Variants in PNKD observed in about 807,000 individuals in gnomAD.
PNKD encodes probable thioesterase PNKD.
In PNKD, 36 loss-of-function variants were observed where a neutral mutation model predicts 45.3. The observed-to-expected ratio is 0.80, with a 90% confidence interval of 0.61 to 1.05. The LOEUF (loss-of-function observed/expected upper bound fraction) is 1.05. PNKD is among the 50% of genes least tolerant of loss of function. The pLI is 0.00. For missense variants in PNKD, 511 were observed against 506.6 expected (o/e 1.01, Z -0.08); for synonymous variants, 197 against 210.1 (o/e 0.94, Z 0.54).
chr2:218,283,496 C>G (rs1692232024), intron 2 of PNKD, among the ~76,000 whole-genome samples: 1 of 152,132 alleles, frequency 6.6e-6, no homozygotes, highest in Non-Finnish European at 1.5e-5. Context: ...CCAGTAAGGA[C>G]AAGCCCTGGC....
intron 2 of PNKD, among the ~76,000 whole-genome samples, chr2:218,296,671 TTTTCTTTC>T (rs888979453): frequency 6.7e-6 from 1 of 148,540 alleles, no homozygotes; most frequent in Admixed American, 6.6e-5. Flanking sequence ...CTGTTTTTCT[TTTTCTTTC>T]TTTCTTTCTT....
At chr2:218,311,163 C>T (rs1051522611) in intron 2 of PNKD, among the ~76,000 whole-genome samples, 3 of 152,208 alleles carry the variant, frequency 2.0e-5, no homozygotes, top group South Asian at 2.1e-4. Flanking sequence ...AGAAGGCCTT[C>T]AGCCTATTTG....
chr2:218,313,903 C>CTTTTTTTTTTTTTTTTTTTTTTTTTTTT (rs10550174), intron 2 of PNKD, among the ~76,000 whole-genome samples: 1 of 77,722 alleles, frequency 1.3e-5, no homozygotes, highest in African/African-American at 3.9e-5. Context: ...TTCTTTATTT[C>CTTTTTTTTTTTTTTTTTTTTTTTTTTTT]TTTTTTTTTT....
chr2:218,272,592 A>T (rs765907431), intron 2 of PNKD: 4 of 1,613,992 alleles, frequency 2.5e-6, no homozygotes, highest in South Asian at 2.2e-5. Context: ...CCCTTGTGGT[A>T]TCCTCCTCTT....
chr2:218,334,421 G>A (rs1459351086), intron 2 of PNKD, among the ~76,000 whole-genome samples: 1 of 151,970 alleles, frequency 6.6e-6, no homozygotes, highest in Non-Finnish European at 1.5e-5. Context: ...CTTTCATCTT[G>A]TCAATACATT....
chr2:218,323,201 G>A, intron 2 of PNKD: 2 of 1,390,700 alleles, frequency 1.4e-6, no homozygotes, highest in South Asian at 1.5e-5. Context: ...TCCCCGCGGG[G>A]GGCCGGGGCC....
chr2:218,294,491 C>T (rs935075473), intron 2 of PNKD, among the ~76,000 whole-genome samples: 4 of 152,178 alleles, frequency 2.6e-5, no homozygotes, highest in African/African-American at 4.8e-5. Context: ...ACCGCCCCCC[C>T]ACCAGCCTTC....
At chr2:218,282,921 C>T (rs1226395961) in intron 2 of PNKD, among the ~76,000 whole-genome samples, 2 of 152,154 alleles carry the variant, frequency 1.3e-5, no homozygotes, top group South Asian at 2.1e-4. Context: ...GAAAGGCATG[C>T]GGCAGCCTGC....
At chr2:218,280,197 C>G in intron 2 of PNKD, 1 of 1,135,696 alleles carries the variant, frequency 8.8e-7, no homozygotes, top group Non-Finnish European at 1.3e-6. Context: ...GCCTCCCTGA[C>G]AATCTCAAAG....
chr2:218,278,105 A>G, intron 2 of PNKD: 1 of 1,052,726 alleles, frequency 9.5e-7, no homozygotes, highest in East Asian at 2.6e-5. Flanking sequence ...GGAGGTTGGC[A>G]TGGCCTTTGG....
rs149122157 is a variant in PNKD at position 218,276,692 on chromosome 2, C to T, written c.236+5143C>T. ...GCCCATCATCTCAGTCCTCTGGGTTCCTCTCCCAGTCTGCCTCCGAGAACC... is the reference window on the plus strand; with the variant it reads ...GCCCATCATCTCAGTCCTCTGGGTTTCTCTCCCAGTCTGCCTCCGAGAACC... On this transcript the variant is annotated intron_variant, in intron 2 of 9. Coordinates refer to ENST00000273077, the MANE Select transcript of PNKD (RefSeq NM_015488.5). Among the ~76,000 whole-genome samples, 578 of 152,364 alleles carry T rather than the reference C, an allele frequency of 3.8e-3. 5 individuals carry two copies. The highest frequency in any genetic ancestry group is 0.012 in the African/African-American group (498 of 41,588).
chr2:218,305,665 CAG>C (rs1167558235), intron 2 of PNKD, among the ~76,000 whole-genome samples: 1 of 152,048 alleles, frequency 6.6e-6, no homozygotes, highest in Non-Finnish European at 1.5e-5. Context: ...GCCCAGAGGT[CAG>C]AGTCTTGTAA....
intron 7 of PNKD, 98 bp from the exon 8 acceptor site, chr2:218,343,402 C>A: frequency 1.0e-6 from 1 of 955,904 alleles, no homozygotes; most frequent in Non-Finnish European, 1.7e-6. Context: ...TGACGGCCAG[C>A]CAGAGCATTA....
At chr2:218,336,647 A>AT (rs1336109800) in intron 2 of PNKD, among the ~76,000 whole-genome samples, 4 of 151,462 alleles carry the variant, frequency 2.6e-5, no homozygotes, top group Non-Finnish European at 4.4e-5. Flanking sequence ...TGCCTGCCTA[A>AT]TTTTTGCATT....
chr2:218,297,657 C>T (rs1188929804), intron 2 of PNKD, among the ~76,000 whole-genome samples: 23 of 140,878 alleles, frequency 1.6e-4, no homozygotes, highest in African/African-American at 6.2e-4. Flanking sequence ...TGCTCTCCAG[C>T]CTGGGCAACA....
At chr2:218,306,059 C>A (rs1693395265) in intron 2 of PNKD, among the ~76,000 whole-genome samples, 1 of 152,122 alleles carries the variant, frequency 6.6e-6, no homozygotes. Flanking sequence ...CTTGAGGAAG[C>A]TGCCTAAAAG....
At chr2:218,343,720 T>C in intron 8 of PNKD, 134 bp downstream of exon 8, 1 of 702,128 alleles carries the variant, frequency 1.4e-6, no homozygotes. Context: ...GCTCCACCTC[T>C]AGGGGTAGGG....
intron 2 of PNKD, among the ~76,000 whole-genome samples, chr2:218,311,841 T>C (rs1357253523): frequency 6.6e-6 from 1 of 152,200 alleles, no homozygotes; most frequent in Non-Finnish European, 1.5e-5. Flanking sequence ...GGTCTTTCAT[T>C]TCCCATGAGG....
At chr2:218,323,068 C>A (rs1694034609) in intron 2 of PNKD, 2 of 879,196 alleles carry the variant, frequency 2.3e-6, no homozygotes, top group African/African-American at 1.8e-5. Context: ...CAGGCCGCCC[C>A]CCAAGCCGGG....
Sources: gnomAD v4.1 joint callset for allele counts (sites outside exome capture counted in the v4.1 genomes callset) on GRCh38, gnomAD v4.1.1 for gene constraint, MANE v1.5 for transcripts, NCBI Gene and HGNC (gene_info 2026-07-23, HGNC 2026-07-21) for gene names.